EEFSEC: variants seen among roughly 807,000 people sequenced by gnomAD.
EEFSEC encodes the protein eukaryotic elongation factor, selenocysteine-tRNA specific.
Under a neutral mutation model 42.1 loss-of-function variants are expected in EEFSEC, and 43 were observed. That is an observed-to-expected ratio of 1.02 (90% confidence interval 0.80 to 1.32). The LOEUF (loss-of-function observed/expected upper bound fraction) is 1.32, where lower values mean the gene tolerates loss of function less well. EEFSEC is among the 40% of genes most tolerant of loss of function. The pLI, the probability that EEFSEC is intolerant of heterozygous loss-of-function variation, is 0.00. For missense variants in EEFSEC, 745 were observed against 803.6 expected (o/e 0.93, Z 0.88); for synonymous variants, 354 against 339.1 (o/e 1.04, Z -0.48).
At chr3:128,206,082 A>G (rs1194175412) in intron 1 of EEFSEC, among the ~76,000 whole-genome samples, 1 of 152,198 alleles carries the variant, frequency 6.6e-6, no homozygotes, top group Non-Finnish European at 1.5e-5. Flanking sequence ...GCAGTCCACA[A>G]ATCATGCTGG....
At chr3:128,409,503 A>G (rs1329920801), downstream of EEFSEC, among the ~76,000 whole-genome samples, 1 of 152,170 alleles carries the variant, frequency 6.6e-6, no homozygotes, top group African/African-American at 2.4e-5. Flanking sequence ...CCCTTCGTCA[A>G]CCTTGGCCCA....
At chr3:128,273,986 A>T (rs755345439) in intron 4 of EEFSEC, among the ~76,000 whole-genome samples, 1 of 152,190 alleles carries the variant, frequency 6.6e-6, no homozygotes, top group Non-Finnish European at 1.5e-5. Context: ...ATGGGGCTCT[A>T]GTGCCCAAGA....
At chr3:128,306,612 A>G (rs1196009259) in intron 4 of EEFSEC, among the ~76,000 whole-genome samples, 2 of 152,244 alleles carry the variant, frequency 1.3e-5, no homozygotes, top group Non-Finnish European at 2.9e-5. Flanking sequence ...AATCAAAATC[A>G]TTTTTAAAAG....
At chr3:128,265,532 G>A (rs1325739916) in intron 4 of EEFSEC, among the ~76,000 whole-genome samples, 1 of 152,206 alleles carries the variant, frequency 6.6e-6, no homozygotes, top group African/African-American at 2.4e-5. Flanking sequence ...TAAAAGGTAG[G>A]GAACACATGC....
At chr3:128,221,045 G>C (rs779536296) in intron 1 of EEFSEC, among the ~76,000 whole-genome samples, 1 of 152,230 alleles carries the variant, frequency 6.6e-6, no homozygotes, top group Admixed American at 6.5e-5. Context: ...ACATGATAGT[G>C]CATGTCCCTC....
intron 5 of EEFSEC, among the ~76,000 whole-genome samples, chr3:128,350,038 G>A (rs1198383478): frequency 1.3e-5 from 2 of 152,218 alleles, no homozygotes; most frequent in Non-Finnish European, 2.9e-5. Context: ...ACCCACTGGC[G>A]CCGGTCAGGG....
intron 6 of EEFSEC, among the ~76,000 whole-genome samples, chr3:128,384,663 G>A (rs965406693): frequency 1.3e-5 from 2 of 152,196 alleles, no homozygotes; most frequent in Non-Finnish European, 2.9e-5. Flanking sequence ...ATGCAACTGA[G>A]GCTGGAGAGG....
chr3:128,207,891 G>A (rs1280730435), intron 1 of EEFSEC, among the ~76,000 whole-genome samples: 1 of 152,170 alleles, frequency 6.6e-6, no homozygotes, highest in African/African-American at 2.4e-5. Flanking sequence ...TGAACTTCTG[G>A]TCTGACTTCA....
chr3:128,229,962 CCTTTTCCTTTCCTTTT>C (rs2065943549), intron 1 of EEFSEC, among the ~76,000 whole-genome samples: 1 of 149,854 alleles, frequency 6.7e-6, no homozygotes, highest in East Asian at 1.9e-4. Flanking sequence ...CCTTTCCTTT[CCTTTTCCTTTCCTTTT>C]CCTTTCATTC....
At chr3:128,399,341 G>C (rs192151118) in intron 6 of EEFSEC, among the ~76,000 whole-genome samples, 2 of 152,322 alleles carry the variant, frequency 1.3e-5, no homozygotes, top group Admixed American at 6.5e-5. Context: ...GGCGCTGGTT[G>C]CCTACGCTTC....
chr3:128,340,415 T>C (rs1032503536), intron 4 of EEFSEC, among the ~76,000 whole-genome samples: 1 of 150,668 alleles, frequency 6.6e-6, no homozygotes, highest in South Asian at 2.1e-4. Context: ...AATTTATATA[T>C]TAATTTTATA....
At chr3:128,248,057 C>T (rs1034064894) in intron 2 of EEFSEC, among the ~76,000 whole-genome samples, 8 of 152,148 alleles carry the variant, frequency 5.3e-5, no homozygotes, top group African/African-American at 1.2e-4. Context: ...GTTGCTCAGG[C>T]GGCCACAGGA....
At chr3:128,418,765 C>T in the EEFSEC span, among the ~76,000 whole-genome samples, 1 of 152,198 alleles carries the variant, frequency 6.6e-6, no homozygotes, top group Non-Finnish European at 1.5e-5. Flanking sequence ...CTATGCCTAG[C>T]ACCTCTGATT....
intron 1 of EEFSEC, among the ~76,000 whole-genome samples, chr3:128,169,837 G>C (rs557196449): frequency 1.3e-5 from 2 of 152,146 alleles, no homozygotes; most frequent in African/African-American, 4.8e-5. Context: ...CCTAGACCTC[G>C]TCTCACTCCT....
At chr3:128,320,068 G>A (rs58145419) in intron 4 of EEFSEC, among the ~76,000 whole-genome samples, 3 of 152,346 alleles carry the variant, frequency 2.0e-5, no homozygotes, top group African/African-American at 4.8e-5. Flanking sequence ...AGGAGTCAGC[G>A]CACTGCAGCC....
intron 6 of EEFSEC, among the ~76,000 whole-genome samples, chr3:128,399,109 A>AAAAT (rs869128189): frequency 0.065 from 4,359 of 67,282 alleles, 207 homozygotes; most frequent in African/African-American, 0.36. Context: ...TAAATAAAAT[A>AAAAT]AAAAAAAACC....
downstream of EEFSEC, among the ~76,000 whole-genome samples, chr3:128,409,417 A>G (rs2068158528): frequency 6.6e-6 from 1 of 152,044 alleles, no homozygotes; most frequent in Non-Finnish European, 1.5e-5. Context: ...GGGAACAGGC[A>G]GTTAATTAAA....
At chr3:128,223,227 CT>C (rs2065877795) in intron 1 of EEFSEC, among the ~76,000 whole-genome samples, 1 of 152,234 alleles carries the variant, frequency 6.6e-6, no homozygotes, top group Admixed American at 6.5e-5. Flanking sequence ...CACCAAAGCT[CT>C]GAATCTAGGG....
chr3:128,290,630 C>T (rs111623511), intron 4 of EEFSEC, among the ~76,000 whole-genome samples: 33 of 151,686 alleles, frequency 2.2e-4, no homozygotes, highest in African/African-American at 6.8e-4. Flanking sequence ...TAGATCACAA[C>T]TGGGAACAAT....
Sources: allele counts gnomAD v4.1 joint callset (sites outside exome capture counted in the v4.1 genomes callset), GRCh38; gene constraint gnomAD v4.1.1; transcripts MANE v1.5; gene names NCBI Gene and HGNC (gene_info 2026-07-23, HGNC 2026-07-21).